TMCC3: variants seen among roughly 807,000 people sequenced by gnomAD.
The protein encoded by TMCC3 is transmembrane and coiled-coil domain protein 3.
Under a neutral mutation model 40.2 loss-of-function variants are expected in TMCC3, and 28 were observed. The observed-to-expected ratio is 0.70, with a 90% CI of 0.52 to 0.95. The LOEUF is 0.95. Among genes scored for constraint, TMCC3 ranks in the 40% least tolerant of loss-of-function variants. The probability of loss-of-function intolerance (pLI) is 0.00; values close to 1 mark genes in which losing one functional copy is unlikely to be tolerated. For synonymous variants in TMCC3, 255 were observed against 248.5 expected (o/e 1.03, Z -0.25); for missense variants, 554 against 615.2 (o/e 0.90, Z 1.05).
At chr12:94,587,612 C>T (rs1331868600) in intron 1 of TMCC3, among the ~76,000 whole-genome samples, 2 of 152,168 alleles carry the variant, frequency 1.3e-5, no homozygotes, top group African/African-American at 4.8e-5. Flanking sequence ...AAAGTGTTCA[C>T]CTCTTCAAGT....
intron 2 of TMCC3, among the ~76,000 whole-genome samples, chr12:94,580,580 C>G (rs773206603): frequency 3.9e-5 from 6 of 152,038 alleles, no homozygotes; most frequent in Non-Finnish European, 8.8e-5. Context: ...ACTAAAAATA[C>G]AAAAATTAGC....
At chr12:94,577,353 T>A (rs1196477970) in intron 3 of TMCC3, among the ~76,000 whole-genome samples, 3 of 152,058 alleles carry the variant, frequency 2.0e-5, no homozygotes, top group African/African-American at 7.2e-5. Context: ...CACGCCTGGC[T>A]AATTTTTTGT....
intron 1 of TMCC3, among the ~76,000 whole-genome samples, chr12:94,642,388 G>A (rs944425676): frequency 2.6e-5 from 4 of 152,136 alleles, no homozygotes; most frequent in Admixed American, 1.3e-4. Context: ...CTCTGCCTTC[G>A]TACCTTTAAT....
At chr12:94,642,347 A>G (rs2138886032) in intron 1 of TMCC3, among the ~76,000 whole-genome samples, 1 of 152,326 alleles carries the variant, frequency 6.6e-6, no homozygotes, top group Middle Eastern at 3.4e-3. Context: ...CAGTTCTACC[A>G]TGGTAAAACC....
intron 1 of TMCC3, among the ~76,000 whole-genome samples, chr12:94,594,352 CA>C (rs1348751150): frequency 1.3e-5 from 2 of 152,076 alleles, no homozygotes; most frequent in Non-Finnish European, 2.9e-5. Flanking sequence ...CCTAACCTCC[CA>C]AAGTGTTGGG....
intron 1 of TMCC3, among the ~76,000 whole-genome samples, chr12:94,598,065 C>G (rs1453330140): frequency 6.6e-6 from 1 of 152,166 alleles, no homozygotes; most frequent in Non-Finnish European, 1.5e-5. Context: ...GAGAAGCCAC[C>G]AGTTACTAAA....
intron 3 of TMCC3, among the ~76,000 whole-genome samples, chr12:94,575,631 T>C (rs191668400): frequency 6.6e-6 from 1 of 152,248 alleles, no homozygotes; most frequent in Admixed American, 6.5e-5. Flanking sequence ...CTTTGTGTGG[T>C]CCCTCCTTCA....
At position 94,650,328 on chromosome 12, in the gene TMCC3, C is replaced by G. The variant is rs2069049118; in HGVS notation, c.78+25G>C. 7.2e-6 allele frequency: 9 copies of G among 1,252,638 alleles called. No individual in the cohort carries two copies. In the East Asian group the frequency reaches 3.1e-4, roughly 44 times the overall value. The allele number at this position is 1,252,638 out of a possible 1,614,324, so 77.6% of individuals were successfully genotyped here. A position where few individuals can be genotyped will look rare whatever the true frequency, so the allele number is the denominator to read the frequency against. The stretch of plus-strand genomic sequence containing the variant: ...TCGCCCCCGGGCCCGCGCGCACCCG[C>G]CGCCCCCCAGCCCGCTGCGCTCACC... On this transcript the variant is annotated intron_variant, in intron 1 of 3. Transcript: ENST00000261226.
At position 94,602,406 on chromosome 12, in the gene TMCC3, G is replaced by A. The variant is rs772331228; in HGVS notation, c.79-19868C>T. Among the ~76,000 whole-genome samples, 32 of 152,180 alleles carry A rather than the reference G, an allele frequency of 2.1e-4. No individual in the cohort carries two copies. In the South Asian group the frequency reaches 2.7e-3, roughly 13 times the overall value. ...GAACATCAAAAGTTTAAGACAGTGCGCTAAAGCTGAAAGTACCATAGCAAA... is the reference window on the plus strand; with the variant it reads ...GAACATCAAAAGTTTAAGACAGTGCACTAAAGCTGAAAGTACCATAGCAAA... On this transcript the variant is annotated intron_variant, in intron 1 of 3. Transcript: ENST00000261226.
At chr12:94,603,569 G>A (rs2068765273) in intron 1 of TMCC3, among the ~76,000 whole-genome samples, 1 of 152,220 alleles carries the variant, frequency 6.6e-6, no homozygotes, top group Non-Finnish European at 1.5e-5. Context: ...ATGTGATGGT[G>A]TATGATTAGC....
chr12:94,607,262 G>A (rs1009542202), intron 1 of TMCC3, among the ~76,000 whole-genome samples: 1 of 149,934 alleles, frequency 6.7e-6, no homozygotes, highest in African/African-American at 2.5e-5. Context: ...CTTTGTCAAG[G>A]TGCACTGATT....
chr12:94,612,721 C>T (rs1032010833), intron 1 of TMCC3, among the ~76,000 whole-genome samples: 4 of 152,184 alleles, frequency 2.6e-5, no homozygotes, highest in Non-Finnish European at 4.4e-5. Flanking sequence ...GAAGACAAAG[C>T]AAGACAGAAT....
chr12:94,601,147 A>G (rs1161698324), intron 1 of TMCC3, among the ~76,000 whole-genome samples: 2 of 152,208 alleles, frequency 1.3e-5, no homozygotes, highest in African/African-American at 4.8e-5. Context: ...GGACAACTGG[A>G]TATTAGAAAT....
At chr12:94,608,922 T>C (rs1408198779) in intron 1 of TMCC3, among the ~76,000 whole-genome samples, 1 of 152,214 alleles carries the variant, frequency 6.6e-6, no homozygotes, top group East Asian at 1.9e-4. Context: ...ACTAGTTATG[T>C]TTAGTGTATC....
Position 94,582,238 on chromosome 12 carries a change from C to T in TMCC3, c.379G>A (p.Ala127Thr), listed in dbSNP as rs1199267938. 11 of 1,614,120 alleles carry T rather than the reference C, an allele frequency of 6.8e-6. No individual in the cohort carries two copies. Among genetic ancestry groups the T allele is most frequent in the African/African-American group, 1.3e-5 (1 of 75,002 alleles). ...KKNQKSAHSI[A>T]QLQKKLEQYH... ...TGCTCTAACTTCTTCTGCAGCTGGGCGATGGAGTGAGCTGATTTCTGATTC... is the reference window on the plus strand; with the variant it reads ...TGCTCTAACTTCTTCTGCAGCTGGGTGATGGAGTGAGCTGATTTCTGATTC... The change falls in exon 2 of 4, where the codon GCC becomes ACC. Residue 127 changes from alanine (A) to threonine (T), a missense_variant. Coordinates refer to ENST00000261226, the MANE Select transcript of TMCC3 (RefSeq NM_020698.4).
chr12:94,593,567 A>G (rs1363292279), intron 1 of TMCC3, among the ~76,000 whole-genome samples: 2 of 151,714 alleles, frequency 1.3e-5, no homozygotes, highest in South Asian at 2.1e-4. Context: ...TATATCTTTC[A>G]TGGCCCAGTC....
At chr12:94,635,407 G>A (rs1440474935) in intron 1 of TMCC3, among the ~76,000 whole-genome samples, 2 of 152,146 alleles carry the variant, frequency 1.3e-5, no homozygotes, top group Non-Finnish European at 2.9e-5. Context: ...ATTACTTAAG[G>A]TGGCAACAGT....
At chr12:94,608,657 A>T (rs896722213) in intron 1 of TMCC3, among the ~76,000 whole-genome samples, 1 of 151,924 alleles carries the variant, frequency 6.6e-6, no homozygotes, top group Non-Finnish European at 1.5e-5. Flanking sequence ...TCTTGACTCA[A>T]ACCTGTCTCT....
intron 1 of TMCC3, among the ~76,000 whole-genome samples, chr12:94,634,056 C>G (rs1333313832): frequency 6.6e-6 from 1 of 151,822 alleles, no homozygotes; most frequent in East Asian, 1.9e-4. Context: ...AACGATTTTC[C>G]CTAACTCAGC....
Sources: allele counts gnomAD v4.1 joint callset (sites outside exome capture counted in the v4.1 genomes callset), GRCh38; gene constraint gnomAD v4.1.1; transcripts MANE v1.5; gene names NCBI Gene and HGNC (gene_info 2026-07-23, HGNC 2026-07-21).